The following SORCS1 variants were observed in gnomAD, a reference collection of about 807,000 sequenced individuals.
SORCS1 encodes sortilin related VPS10 domain containing receptor 1, also known as VPS10 domain-containing receptor SorCS1.
SORCS1 carries 60 observed loss-of-function variants against 146.1 expected under a neutral mutation model. The ratio of observed to expected loss-of-function variants is 0.41; its 90% CI spans 0.33 to 0.51. The LOEUF is 0.51. Among genes scored for constraint, SORCS1 ranks in the 20% least tolerant of loss-of-function variants. The pLI, the probability that SORCS1 is intolerant of heterozygous loss-of-function variation, is 0.21. For missense variants in SORCS1, 1,352 were observed against 1,487.6 expected (o/e 0.91, Z 1.50); for synonymous variants, 637 against 584.0 (o/e 1.09, Z -1.31).
At chr10:106,639,759 T>G (rs560433928) in intron 18 of SORCS1, among the ~76,000 whole-genome samples, 2 of 152,298 alleles carry the variant, frequency 1.3e-5, no homozygotes, top group South Asian at 4.1e-4. Context: ...TTGAGGCATC[T>G]ACGTCAGAAC....
chr10:106,754,057 C>T (rs1449588782), intron 5 of SORCS1, among the ~76,000 whole-genome samples: 1 of 152,178 alleles, frequency 6.6e-6, no homozygotes, highest in Non-Finnish European at 1.5e-5. Context: ...GCATTATCTT[C>T]CCCACGTCTT....
intron 1 of SORCS1, among the ~76,000 whole-genome samples, chr10:107,012,064 GAC>G (rs1438836882): frequency 6.6e-6 from 1 of 152,172 alleles, no homozygotes; most frequent in East Asian, 1.9e-4. Context: ...AATGTGCCCA[GAC>G]AACAGGTAGA....
intron 1 of SORCS1, among the ~76,000 whole-genome samples, chr10:107,005,577 C>T (rs1957406555): frequency 6.6e-6 from 1 of 152,040 alleles, no homozygotes; most frequent in African/African-American, 2.4e-5. Context: ...CATATGAATA[C>T]CTACATATTA....
At chr10:106,891,466 T>G (rs1951226902) in intron 2 of SORCS1, among the ~76,000 whole-genome samples, 1 of 151,366 alleles carries the variant, frequency 6.6e-6, no homozygotes, top group South Asian at 2.1e-4. Flanking sequence ...TTGACCTATG[T>G]CAAGACAACA....
intron 13 of SORCS1, among the ~76,000 whole-genome samples, chr10:106,675,684 G>A (rs950102452): frequency 6.6e-6 from 1 of 152,204 alleles, no homozygotes; most frequent in Admixed American, 6.5e-5. Context: ...CTTCAGTCCT[G>A]ATGGTCACTG....
chr10:106,925,816 G>A (rs1952985850), intron 2 of SORCS1, among the ~76,000 whole-genome samples: 1 of 152,104 alleles, frequency 6.6e-6, no homozygotes. Flanking sequence ...CCCAACGGAG[G>A]GTCCATTCCA....
At chr10:106,701,997 G>A (rs567051276) in intron 8 of SORCS1, among the ~76,000 whole-genome samples, 1 of 152,080 alleles carries the variant, frequency 6.6e-6, no homozygotes, top group Non-Finnish European at 1.5e-5. Context: ...TCTGTTTATC[G>A]CAAATACTCA....
At chr10:106,721,289 A>T (rs1287010876) in intron 6 of SORCS1, among the ~76,000 whole-genome samples, 1 of 152,118 alleles carries the variant, frequency 6.6e-6, no homozygotes, top group Non-Finnish European at 1.5e-5. Flanking sequence ...AAAAAAAGAT[A>T]AAGGAAGACT....
chr10:106,912,736 T>G (rs1952226200), intron 2 of SORCS1, among the ~76,000 whole-genome samples: 2 of 152,138 alleles, frequency 1.3e-5, no homozygotes, highest in African/African-American at 4.8e-5. Context: ...TGGAGTGCAT[T>G]GGTGCAATCT....
chr10:106,864,208 C>T (rs144600212), intron 2 of SORCS1, among the ~76,000 whole-genome samples: 445 of 152,296 alleles, frequency 2.9e-3, no homozygotes, highest in Non-Finnish European at 4.6e-3. Flanking sequence ...ACCAGGTGCT[C>T]ACATTGGGAC....
At chr10:107,146,357 T>G (rs1590236122) in intron 1 of SORCS1, among the ~76,000 whole-genome samples, 1 of 152,268 alleles carries the variant, frequency 6.6e-6, no homozygotes, top group East Asian at 1.9e-4. Flanking sequence ...TCATCTGATT[T>G]CAAAAAATGT....
chr10:106,875,800 T>C (rs1435036478), intron 2 of SORCS1, among the ~76,000 whole-genome samples: 1 of 152,290 alleles, frequency 6.6e-6, no homozygotes, highest in East Asian at 1.9e-4. Flanking sequence ...TTTGATGGTA[T>C]TATTTCTGAC....
intron 1 of SORCS1, among the ~76,000 whole-genome samples, chr10:107,084,092 G>GTTTTTTTT (rs34590427): frequency 3.3e-4 from 38 of 113,768 alleles, no homozygotes; most frequent in East Asian, 1.3e-3. Context: ...GTTGTTTTTT[G>GTTTTTTTT]TTTTTTTTTT....
chr10:106,805,639 G>C (rs543119550), intron 3 of SORCS1, among the ~76,000 whole-genome samples: 20 of 152,246 alleles, frequency 1.3e-4, no homozygotes, highest in African/African-American at 4.6e-4. Flanking sequence ...GCCATCTATA[G>C]CTTCCAATAC....
chr10:107,170,324 A>G, the SORCS1 span, among the ~76,000 whole-genome samples: 1 of 152,244 alleles, frequency 6.6e-6, no homozygotes, highest in Non-Finnish European at 1.5e-5. Context: ...TTTATTTTAA[A>G]CTAAACTTGG....
At chr10:106,773,191 G>C (rs1005860681) in intron 4 of SORCS1, among the ~76,000 whole-genome samples, 1 of 152,182 alleles carries the variant, frequency 6.6e-6, no homozygotes, top group Non-Finnish European at 1.5e-5. Flanking sequence ...AGTGACATTA[G>C]CAGCTGTCAC....
intron 2 of SORCS1, among the ~76,000 whole-genome samples, chr10:106,877,453 T>G (rs780898007): frequency 1.6e-4 from 24 of 151,974 alleles, no homozygotes; most frequent in East Asian, 5.8e-4. Flanking sequence ...GGTGGTGCAA[T>G]GCCTGTAGTT....
chr10:107,045,704 A>G (rs1159131186), intron 1 of SORCS1, among the ~76,000 whole-genome samples: 1 of 152,110 alleles, frequency 6.6e-6, no homozygotes, highest in Non-Finnish European at 1.5e-5. Context: ...TTAAGTTGAG[A>G]AAAATGTTTA....
chr10:107,152,048 G>C (rs943793833), intron 1 of SORCS1, among the ~76,000 whole-genome samples: 2 of 152,178 alleles, frequency 1.3e-5, no homozygotes, highest in African/African-American at 2.4e-5. Flanking sequence ...TGCAGCCTCA[G>C]GATATGGTGC....
Sources: gnomAD v4.1 joint callset for allele counts (sites outside exome capture counted in the v4.1 genomes callset) on GRCh38, gnomAD v4.1.1 for gene constraint, MANE v1.5 for transcripts, NCBI Gene and HGNC (gene_info 2026-07-23, HGNC 2026-07-21) for gene names.